Variants in SND1 observed in about 807,000 individuals in gnomAD.
SND1 encodes the protein staphylococcal nuclease domain-containing protein 1.
SND1 carries 38 observed loss-of-function variants against 121.7 expected under a neutral mutation model. The ratio of observed to expected loss-of-function variants is 0.31; its 90% CI spans 0.24 to 0.41. The LOEUF is 0.41. Among genes scored for constraint, SND1 ranks in the 10% least tolerant of loss-of-function variants. The pLI is 1.00. For missense variants in SND1, 868 were observed against 1,184.6 expected (o/e 0.73, Z 3.92); for synonymous variants, 401 against 447.4 (o/e 0.90, Z 1.31).
At chr7:127,946,995 T>C (rs1801343375) in intron 15 of SND1, among the ~76,000 whole-genome samples, 1 of 152,206 alleles carries the variant, frequency 6.6e-6, no homozygotes, top group Admixed American at 6.5e-5. Context: ...TAGAAAATAT[T>C]TTTTCTAGAA....
intron 14 of SND1, among the ~76,000 whole-genome samples, chr7:127,917,570 T>C (rs1800610390): frequency 1.3e-5 from 2 of 152,206 alleles, no homozygotes; most frequent in Admixed American, 1.3e-4. Flanking sequence ...GGCTAATTTT[T>C]AAAATTTTTT....
chr7:127,848,576 T>C (rs937553342), intron 12 of SND1, among the ~76,000 whole-genome samples: 5 of 152,264 alleles, frequency 3.3e-5, no homozygotes, highest in African/African-American at 9.6e-5. Context: ...AGAAATCTTA[T>C]CTAAATTATG....
chr7:127,898,233 C>T (rs1584650613), intron 13 of SND1, among the ~76,000 whole-genome samples: 1 of 152,082 alleles, frequency 6.6e-6, no homozygotes, highest in Non-Finnish European at 1.5e-5. Flanking sequence ...ACCTAGAGTT[C>T]TTTGTTATTT....
chr7:127,963,278 A>G lies in SND1; in HGVS notation c.1670-27669A>G, dbSNP rs1333049461. 4.7e-5 allele frequency among the ~76,000 whole-genome samples: 7 copies of G among 149,700 alleles called. No homozygotes were observed. In the East Asian group the frequency reaches 5.9e-4, roughly 13 times the overall value. On this transcript the variant is annotated intron_variant, in intron 15 of 23. Transcript: ENST00000354725. ...TTTTTTTTTTTTTAATTATACTTTA[A>G]GTTTTAGGGTACATGTGCACATTGT...
intron 10 of SND1, among the ~76,000 whole-genome samples, chr7:127,741,776 G>A (rs924593539): frequency 4.6e-5 from 7 of 152,130 alleles, no homozygotes; most frequent in Middle Eastern, 3.2e-3. Context: ...AATAAATGAT[G>A]ACACTATATG....
chr7:127,830,543 A>G (rs1453374832), intron 11 of SND1, among the ~76,000 whole-genome samples: 1 of 152,044 alleles, frequency 6.6e-6, no homozygotes, highest in Non-Finnish European at 1.5e-5. Context: ...CATCATATTT[A>G]TCATTGTTTA....
chr7:128,068,792 G>A (rs1793360006), intron 16 of SND1, among the ~76,000 whole-genome samples: 2 of 152,226 alleles, frequency 1.3e-5, no homozygotes, highest in Non-Finnish European at 2.9e-5. Flanking sequence ...TGTGTTGCCT[G>A]GGCATGGGGA....
intron 12 of SND1, among the ~76,000 whole-genome samples, chr7:127,849,277 G>T (rs1235113486): frequency 1.3e-5 from 2 of 152,130 alleles, no homozygotes; most frequent in Non-Finnish European, 2.9e-5. Flanking sequence ...TTTCGTTCTT[G>T]CCAGAGCCTT....
At chr7:127,758,364 T>TA (rs1797237553) in intron 10 of SND1, among the ~76,000 whole-genome samples, 1 of 152,202 alleles carries the variant, frequency 6.6e-6, no homozygotes, top group African/African-American at 2.4e-5. Context: ...TCTCCCTACT[T>TA]ACTTTAGTGA....
At chr7:127,883,320 A>G (rs567666876) in intron 12 of SND1, among the ~76,000 whole-genome samples, 3 of 152,232 alleles carry the variant, frequency 2.0e-5, no homozygotes, top group East Asian at 1.9e-4. Context: ...GTAAAATTCA[A>G]TTGTAGTAGG....
intron 11 of SND1, among the ~76,000 whole-genome samples, chr7:127,842,616 G>T (rs1284677514): frequency 6.6e-6 from 1 of 152,094 alleles, no homozygotes; most frequent in Non-Finnish European, 1.5e-5. Flanking sequence ...TTTACATACT[G>T]TGAAACCAAT....
chr7:127,664,027 C>A (rs972877064), intron 1 of SND1, among the ~76,000 whole-genome samples: 24 of 152,136 alleles, frequency 1.6e-4, no homozygotes, highest in African/African-American at 4.1e-4. Flanking sequence ...AAACTCTAGT[C>A]ATTTCTTTTT....
At chr7:127,822,743 T>C (rs1269084366) in intron 11 of SND1, among the ~76,000 whole-genome samples, 1 of 152,358 alleles carries the variant, frequency 6.6e-6, no homozygotes, top group Non-Finnish European at 1.5e-5. Flanking sequence ...TTACTTACTG[T>C]TTTGTAACCT....
chr7:128,001,006 C>A (rs1802814085), intron 16 of SND1, among the ~76,000 whole-genome samples: 1 of 152,176 alleles, frequency 6.6e-6, no homozygotes, highest in South Asian at 2.1e-4. Context: ...CATGCCCACT[C>A]CCTGTGTCTG....
At chr7:128,044,247 C>T (rs1290271465) in intron 16 of SND1, among the ~76,000 whole-genome samples, 2 of 152,192 alleles carry the variant, frequency 1.3e-5, no homozygotes, top group African/African-American at 2.4e-5. Context: ...TGTGTGTTAT[C>T]ACTTCTCCAC....
chr7:127,901,657 T>G (rs1800233900), intron 13 of SND1, among the ~76,000 whole-genome samples: 1 of 152,210 alleles, frequency 6.6e-6, no homozygotes. Flanking sequence ...GTTAACTACC[T>G]ATTGTTAACT....
Position 128,085,903 on chromosome 7 carries a change from T to C in SND1, c.2304+123T>C. 2 of 851,124 alleles carry C rather than the reference T, an allele frequency of 2.3e-6. No individual in the cohort carries two copies. Among genetic ancestry groups the C allele is most frequent in the Non-Finnish European group, 3.8e-6 (2 of 524,546 alleles). The allele number at this position is 851,124 out of a possible 1,614,324, so 52.7% of individuals were successfully genotyped here. On this transcript the variant is annotated intron_variant, in intron 20 of 23. Coordinates refer to ENST00000354725, the MANE Select transcript of SND1 (RefSeq NM_014390.4). The surrounding 1 kb of genome is among the most constrained non-coding windows in gnomAD (Gnocchi z 4.4). ...ATAGAACAATGAGCATTGGGGCATC[T>C]CTGCTGTGCGTGTAACAGGCCAGGC...
At chr7:127,765,681 T>C (rs1374796462) in intron 10 of SND1, among the ~76,000 whole-genome samples, 2 of 152,194 alleles carry the variant, frequency 1.3e-5, no homozygotes, top group Non-Finnish European at 2.9e-5. Context: ...AAATTCTTCC[T>C]TTATAGAAGT....
At chr7:127,767,591 T>C (rs1797444284) in intron 10 of SND1, among the ~76,000 whole-genome samples, 1 of 152,254 alleles carries the variant, frequency 6.6e-6, no homozygotes, top group African/African-American at 2.4e-5. Context: ...GCTTTTTGTC[T>C]GTAATTGGAC....
Sources: gnomAD v4.1 joint callset for allele counts (sites outside exome capture counted in the v4.1 genomes callset) on GRCh38, gnomAD v4.1.1 for gene constraint, Gnocchi (gnomAD v3.1) non-coding constraint, MANE v1.5 for transcripts, NCBI Gene and HGNC (gene_info 2026-07-23, HGNC 2026-07-21) for gene names.